The following CDH9 variants were observed in gnomAD, a reference collection of about 807,000 sequenced individuals.
The protein encoded by CDH9 is cadherin-9.
Under a neutral mutation model 70.9 loss-of-function variants are expected in CDH9, and 28 were observed. The ratio of observed to expected loss-of-function variants is 0.40; its 90% CI spans 0.29 to 0.54. The LOEUF is 0.54. CDH9 is among the 20% of genes least tolerant of loss of function. CDH9 has a pLI of 0.59. For missense variants in CDH9, 874 were observed against 984.4 expected (o/e 0.89, Z 1.50); for synonymous variants, 409 against 343.1 (o/e 1.19, Z -2.12).
chr5:26,953,386 T>C (rs890446435), intron 2 of CDH9, among the ~76,000 whole-genome samples: 1 of 152,212 alleles, frequency 6.6e-6, no homozygotes, highest in Admixed American at 6.5e-5. Flanking sequence ...TCCTAGACAT[T>C]ACCATAGATA....
At chr5:26,953,411 T>C (rs1741887905) in intron 2 of CDH9, among the ~76,000 whole-genome samples, 2 of 152,180 alleles carry the variant, frequency 1.3e-5, no homozygotes, top group African/African-American at 4.8e-5. Flanking sequence ...TTTAGTGAAT[T>C]TGTTATTATA....
chr5:26,918,309 T>C (rs1386595480), intron 2 of CDH9, among the ~76,000 whole-genome samples: 2 of 152,172 alleles, frequency 1.3e-5, no homozygotes, highest in Non-Finnish European at 2.9e-5. Flanking sequence ...GGGAGGCCTT[T>C]CCTGACTCAC....
At chr5:26,932,241 C>A (rs1198437628) in intron 2 of CDH9, among the ~76,000 whole-genome samples, 1 of 151,730 alleles carries the variant, frequency 6.6e-6, no homozygotes, top group Non-Finnish European at 1.5e-5. Context: ...GACTTCATAT[C>A]AAAAATACTA....
chr5:26,927,817 G>A (rs112292796), intron 2 of CDH9, among the ~76,000 whole-genome samples: 4 of 152,002 alleles, frequency 2.6e-5, no homozygotes, highest in South Asian at 4.1e-4. Flanking sequence ...CCTGGACATC[G>A]AATTAATGGA....
chr5:26,996,099 C>A (rs1742661180), intron 1 of CDH9, among the ~76,000 whole-genome samples: 1 of 151,904 alleles, frequency 6.6e-6, no homozygotes, highest in African/African-American at 2.4e-5. Flanking sequence ...CCTCTCTATA[C>A]CTACACATAT....
intron 9 of CDH9, among the ~76,000 whole-genome samples, chr5:26,886,532 ATAT>A (rs1740570032): frequency 6.6e-6 from 1 of 151,870 alleles, no homozygotes; most frequent in African/African-American, 2.4e-5. Flanking sequence ...TCCCTCCTAT[ATAT>A]TAACAATATT....
At chr5:26,892,317 A>G (rs1740673487) in intron 7 of CDH9, among the ~76,000 whole-genome samples, 1 of 152,176 alleles carries the variant, frequency 6.6e-6, no homozygotes, top group South Asian at 2.1e-4. Flanking sequence ...GGTGAATCAC[A>G]TACGAATCCT....
At chr5:26,903,113 T>G (rs1740885639) in intron 6 of CDH9, 1 of 191,532 alleles carries the variant, frequency 5.2e-6, no homozygotes. Flanking sequence ...CTACTTCAAT[T>G]ATTTGAGCAC....
intron 2 of CDH9, among the ~76,000 whole-genome samples, chr5:26,968,278 G>A (rs898695696): frequency 6.9e-6 from 1 of 144,506 alleles, no homozygotes; most frequent in African/African-American, 2.4e-5. Context: ...GATGGTGTCT[G>A]AGGTATTTTT....
chr5:27,005,466 G>T lies in CDH9; in HGVS notation c.-49-17084C>A, dbSNP rs1011313046. Among the ~76,000 whole-genome samples, 4 of 151,964 alleles carry T rather than the reference G, an allele frequency of 2.6e-5. No homozygotes were observed. In the South Asian group the frequency reaches 6.2e-4, roughly 24 times the overall value. On this transcript the variant is annotated intron_variant, in intron 1 of 11. Coordinates refer to ENST00000231021, the MANE Select transcript of CDH9 (RefSeq NM_016279.4). ...AAAATACAAATCAAAACCACAATAA[G>T]ACCCCATCTCACAACAGTCAGAATG...
Position 27,010,550 on chromosome 5 carries a change from C to A in CDH9, c.-49-22168G>T, listed in dbSNP as rs181347145. 4.4e-3 allele frequency among the ~76,000 whole-genome samples: 666 copies of A among 152,216 alleles called. 7 individuals are homozygous for A. Among genetic ancestry groups the A allele is most frequent in the Non-Finnish European group, 6.6e-3 (451 of 67,998 alleles). ...AAATACAGCCATAGTGACAAGCACA[C>A]CCTAGGAATATTCTGTTTTCCCACA... On this transcript the variant is annotated intron_variant, in intron 1 of 11. Transcript: ENST00000231021.
At chr5:26,909,138 C>G (rs1561191614) in intron 3 of CDH9, among the ~76,000 whole-genome samples, 1 of 150,674 alleles carries the variant, frequency 6.6e-6, no homozygotes, top group Non-Finnish European at 1.5e-5. Flanking sequence ...TGCCCGCCAC[C>G]AAGCCTGGCT....
At chr5:27,018,262 A>T (rs1180097995) in intron 1 of CDH9, among the ~76,000 whole-genome samples, 1 of 151,846 alleles carries the variant, frequency 6.6e-6, no homozygotes, top group Non-Finnish European at 1.5e-5. Flanking sequence ...AATTATTTTC[A>T]CATATTGTAT....
intron 7 of CDH9, among the ~76,000 whole-genome samples, chr5:26,900,483 G>A (rs528622075): frequency 2.0e-5 from 3 of 152,006 alleles, no homozygotes; most frequent in South Asian, 2.1e-4. Flanking sequence ...ACCTTGAAGG[G>A]GCATCATGCC....
chr5:26,966,518 C>T (rs1742132172), intron 2 of CDH9, among the ~76,000 whole-genome samples: 1 of 151,720 alleles, frequency 6.6e-6, no homozygotes, highest in African/African-American at 2.4e-5. Flanking sequence ...CCTAAAGCAT[C>T]ATTTTTTTTC....
In CDH9 at chr5:27,009,866, T is replaced by C. The variant is rs537897592; in HGVS notation, c.-49-21484A>G. ...AGCATACTTCTTAGAATTTCTATAG[T>C]TGTTTTCTTACTCTGGCTCCATAGA... On this transcript the variant is annotated intron_variant, in intron 1 of 11. Coordinates refer to ENST00000231021, the MANE Select transcript of CDH9 (RefSeq NM_016279.4). Among the ~76,000 whole-genome samples, 6 of 152,222 alleles carry C rather than the reference T, an allele frequency of 3.9e-5. No individual in the cohort carries two copies. In the South Asian group the frequency reaches 1.2e-3, roughly 32 times the overall value.
At chr5:26,996,429 T>C (rs948677748) in intron 1 of CDH9, among the ~76,000 whole-genome samples, 5 of 152,078 alleles carry the variant, frequency 3.3e-5, no homozygotes, top group African/African-American at 7.2e-5. Context: ...GTCATACATA[T>C]GTTGTTTGAT....
At chr5:27,007,711 C>A (rs1052132966) in intron 1 of CDH9, among the ~76,000 whole-genome samples, 3 of 151,754 alleles carry the variant, frequency 2.0e-5, no homozygotes, top group African/African-American at 7.3e-5. Flanking sequence ...TTAATTAATT[C>A]AATAAATAAC....
chr5:27,037,827 A>C (rs1743420241), intron 1 of CDH9, among the ~76,000 whole-genome samples: 1 of 152,012 alleles, frequency 6.6e-6, no homozygotes, highest in Non-Finnish European at 1.5e-5. Context: ...AGATGTATAC[A>C]TTCAGAGTGT....
Sources: gnomAD v4.1 joint callset for allele counts (sites outside exome capture counted in the v4.1 genomes callset) on GRCh38, gnomAD v4.1.1 for gene constraint, MANE v1.5 for transcripts, NCBI Gene and HGNC (gene_info 2026-07-23, HGNC 2026-07-21) for gene names.